Variants in LMLN observed in about 807,000 individuals in gnomAD.
LMLN encodes the protein leishmanolysin-like peptidase.
A neutral mutation model predicts 92.3 loss-of-function variants in LMLN; 70 were observed. The observed-to-expected ratio is 0.76, with a 90% CI of 0.63 to 0.92. The LOEUF (loss-of-function observed/expected upper bound fraction) is 0.92, where lower values mean the gene tolerates loss of function less well. Among genes scored for constraint, LMLN ranks in the 40% least tolerant of loss-of-function variants. LMLN has a pLI of 0.00. For synonymous variants in LMLN, 308 were observed against 296.2 expected (o/e 1.04, Z -0.41); for missense variants, 691 against 814.6 (o/e 0.85, Z 1.85).
intron 9 of LMLN, among the ~76,000 whole-genome samples, chr3:197,992,353 C>T (rs1193839596): frequency 6.6e-6 from 1 of 152,094 alleles, no homozygotes. Flanking sequence ...CAGGCGTGAG[C>T]CACTGTGTCT....
At chr3:198,032,773 C>T (rs542038968) in intron 14 of LMLN, among the ~76,000 whole-genome samples, 1 of 152,306 alleles carries the variant, frequency 6.6e-6, no homozygotes, top group South Asian at 2.1e-4. Context: ...CACTAGGCCC[C>T]ACATCCAACA....
At chr3:197,968,186 A>G (rs9832681) in intron 1 of LMLN, among the ~76,000 whole-genome samples, 46,572 of 152,116 alleles carry the variant, frequency 0.31, 10,614 homozygotes, top group African/African-American at 0.65. Context: ...ATAAGAGTAC[A>G]CTGGGCGTGG....
At chr3:198,039,273 C>T (rs1245601099) in exon 16 of LMLN, 1 of 154,418 alleles carries the variant, frequency 6.5e-6, no homozygotes, top group East Asian at 1.9e-4. Context: ...TTACATACCT[C>T]AACATTTTTA....
chr3:197,990,132 G>A (rs1005445003), intron 8 of LMLN, among the ~76,000 whole-genome samples: 11 of 151,814 alleles, frequency 7.2e-5, no homozygotes, highest in African/African-American at 2.4e-4. Context: ...GCACGAACAT[G>A]GCTTACTGCA....
In LMLN at chr3:198,024,740, G is replaced by A. The variant is rs777518543; in HGVS notation, c.1608G>A (p.Lys536=). The change falls in exon 14 of 16, where the codon AAG becomes AAA. Residue 536 remains lysine (K), a synonymous_variant. Coordinates refer to ENST00000330198, the Ensembl canonical transcript of LMLN. ...AGAAATCAGCATTCGTTATGGAGAA[G>A]TGTGAGAGGAAGCTGAGTTACCCAG... 4.3e-6 allele frequency: 7 copies of A among 1,612,188 alleles called. No individual in the cohort carries two copies. The East Asian group carries it at 1.6e-4, about 36-fold the overall frequency.
chr3:197,980,181 G>T, intron 5 of LMLN, 145 bp from the exon 6 acceptor site: 1 of 580,306 alleles, frequency 1.7e-6, no homozygotes, highest in Non-Finnish European at 3.0e-6. Flanking sequence ...TGAGTAGACA[G>T]GGAGGTATGG....
intron 11 of LMLN, among the ~76,000 whole-genome samples, chr3:198,007,553 T>C (rs1364960812): frequency 1.3e-5 from 2 of 152,262 alleles, no homozygotes; most frequent in African/African-American, 4.8e-5. Context: ...GATCCATGTG[T>C]CCATGCCTTC....
intron 6 of LMLN, among the ~76,000 whole-genome samples, chr3:197,982,621 G>A (rs1237258782): frequency 6.6e-6 from 1 of 152,174 alleles, no homozygotes; most frequent in Non-Finnish European, 1.5e-5. Flanking sequence ...AACAGATGAG[G>A]TAAACAAAGT....
Position 198,019,263 on chromosome 3 carries a change from C to G in LMLN, c.1243C>G (p.Leu415Val). The change falls in exon 12 of 16, where the codon CTG (leucine) becomes GTG (valine). Residue 415 changes from leucine (L) to valine (V), a missense_variant. Around this residue, in one of 4 missense-constraint regions of LMLN, gnomAD observed 352 missense variants for 443.6 expected, o/e 0.79. Transcript: ENST00000330198. The surrounding 1 kb of genome is among the most constrained non-coding windows in gnomAD (Gnocchi z 5.5). The stretch of plus-strand genomic sequence containing the variant: ...TCTCTTTGTTTGCAGGAGACAGATG[C>G]TGAGCCCTTACTGTGACACGCTCAG... 2 of 1,613,116 alleles carry G rather than the reference C, an allele frequency of 1.2e-6. No individual in the cohort carries two copies. The highest frequency in any genetic ancestry group is 1.7e-6 in the Non-Finnish European group (2 of 1,179,782).
Position 198,031,854 on chromosome 3 carries a change from C to T in LMLN, c.1657-3979C>T, listed in dbSNP as rs927965354. On this transcript the variant is annotated intron_variant, in intron 14 of 15. Transcript: ENST00000330198. The surrounding 1 kb of genome is among the most constrained non-coding windows in gnomAD (Gnocchi z 4.8). Reference sequence around the variant, plus strand: ...CAGTGGCTCACACCTGTAATCACAGCACTTTGGGAGCCCGAGACAGGCGGA... The same window carrying T: ...CAGTGGCTCACACCTGTAATCACAGTACTTTGGGAGCCCGAGACAGGCGGA... Among the ~76,000 whole-genome samples the T allele has an allele frequency of 6.6e-6, 1 of 152,126 alleles. No individual in the cohort carries two copies. Among genetic ancestry groups the T allele is most frequent in the African/African-American group, 2.4e-5 (1 of 41,420 alleles).
intron 11 of LMLN, among the ~76,000 whole-genome samples, chr3:198,016,373 C>T (rs1722642130): frequency 6.6e-6 from 1 of 152,162 alleles, no homozygotes; most frequent in South Asian, 2.1e-4. Context: ...CTCTGGGTGT[C>T]CCCAGCTTGT....
chr3:198,016,606 G>A (rs949413145), intron 11 of LMLN, among the ~76,000 whole-genome samples: 4 of 152,216 alleles, frequency 2.6e-5, no homozygotes, highest in Non-Finnish European at 5.9e-5. Context: ...AAGGAAGTAT[G>A]TAACTCACAC....
intron 11 of LMLN, among the ~76,000 whole-genome samples, chr3:198,001,217 C>T (rs920542940): frequency 6.6e-6 from 1 of 152,098 alleles, no homozygotes; most frequent in Non-Finnish European, 1.5e-5. Context: ...ATCTGTCTTC[C>T]CTACTAGATT....
intron 11 of LMLN, among the ~76,000 whole-genome samples, chr3:198,011,116 G>T (rs2109917081): frequency 6.6e-6 from 1 of 150,576 alleles, no homozygotes; most frequent in East Asian, 2.0e-4. Flanking sequence ...CTTGATATAA[G>T]TTTTTTATTT....
At chr3:197,989,759 C>T (rs1195198833) in intron 8 of LMLN, among the ~76,000 whole-genome samples, 4 of 152,202 alleles carry the variant, frequency 2.6e-5, no homozygotes, top group Admixed American at 1.3e-4. Flanking sequence ...CAGTGGCTCA[C>T]GCCTGTAATC....
intron 8 of LMLN, among the ~76,000 whole-genome samples, chr3:197,987,799 G>A (rs1312534787): frequency 1.3e-5 from 2 of 152,154 alleles, no homozygotes; most frequent in Admixed American, 6.5e-5. Flanking sequence ...CACCAGGTGT[G>A]TATGAGTGCT....
intron 11 of LMLN, among the ~76,000 whole-genome samples, chr3:198,016,249 A>C (rs898376821): frequency 3.3e-5 from 5 of 151,828 alleles, no homozygotes; most frequent in African/African-American, 1.2e-4. Flanking sequence ...TTTCTCACCT[A>C]GGTTAGGTCA....
intron 10 of LMLN, among the ~76,000 whole-genome samples, chr3:197,997,951 G>A (rs562433903): frequency 1.3e-5 from 2 of 152,336 alleles, no homozygotes; most frequent in South Asian, 4.1e-4. Flanking sequence ...GGGGTTTCAG[G>A]TGGTGTTTTT....
intron 3 of LMLN, among the ~76,000 whole-genome samples, chr3:197,975,533 G>A (rs1364769000): frequency 2.6e-5 from 4 of 151,908 alleles, no homozygotes; most frequent in African/African-American, 7.2e-5. Context: ...GCACATGCAC[G>A]CACACATGCA....
Sources: gnomAD v4.1 joint callset for allele counts (sites outside exome capture counted in the v4.1 genomes callset) on GRCh38, gnomAD v4.1.1 for gene constraint, gnomAD v4.1.1 regional missense constraint, Gnocchi (gnomAD v3.1) non-coding constraint, MANE v1.5 for transcripts, NCBI Gene and HGNC (gene_info 2026-07-23, HGNC 2026-07-21) for gene names.